Variants in ERG observed in about 807,000 individuals in gnomAD.
ERG encodes transcriptional regulator ERG.
Under a neutral mutation model 55.3 loss-of-function variants are expected in ERG, and 9 were observed. That is an observed-to-expected ratio of 0.16 (90% CI 0.10 to 0.28). The LOEUF is 0.28. ERG is among the 10% of genes least tolerant of loss of function. The pLI, the probability that ERG is intolerant of heterozygous loss-of-function variation, is 1.00. For synonymous variants in ERG, 223 were observed against 237.3 expected, an observed-to-expected ratio of 0.94 and a Z score of 0.55; for missense variants, 434 against 631.6, an observed-to-expected ratio of 0.69 and a Z score of 3.35.
chr21:38,641,199 G>A (rs547053503), intron 1 of ERG, among the ~76,000 whole-genome samples: 275 of 152,258 alleles, frequency 1.8e-3, no homozygotes, highest in Admixed American at 3.6e-3. Context: ...GAGCTGGGGG[G>A]CCTTTGGGAG....
At chr21:38,484,820 A>C (rs1354001964) in intron 1 of ERG, among the ~76,000 whole-genome samples, 1 of 152,152 alleles carries the variant, frequency 6.6e-6, no homozygotes, top group African/African-American at 2.4e-5. Flanking sequence ...AGCACAATGC[A>C]TTTCTCACAT....
rs1436591428 is a variant in ERG, at chr21:38,573,007, T to C, written c.-41+2655A>G. Among the ~76,000 whole-genome samples the C allele has an allele frequency of 3.3e-5, 5 of 152,354 alleles. No homozygotes were observed. In the South Asian group the frequency reaches 6.2e-4, roughly 19 times the overall value. On this transcript the variant is annotated intron_variant, in intron 2 of 8. Transcript: ENST00000398897. ...TAGCTTTGCCCCAACCACTTTGCCC[T>C]AGCCACTTTGACCCAACCTGGAGCT... is the stretch of plus-strand genomic sequence containing the variant.
Position 38,654,203 on chromosome 21 carries a change from C to T in ERG, c.-150+7455G>A, listed in dbSNP as rs1048588952. On this transcript the variant is annotated intron_variant, in intron 1 of 10. Coordinates refer to the ERG transcript ENST00000398910. Reference sequence around the variant, plus strand: ...CTATAAAATCCTTTTACTGGCTGGGCGCAGTGGCTCACGCCTGTAATCCCA... The same window carrying T: ...CTATAAAATCCTTTTACTGGCTGGGTGCAGTGGCTCACGCCTGTAATCCCA... Among the ~76,000 whole-genome samples, 5 of 152,342 alleles carry T rather than the reference C, an allele frequency of 3.3e-5. No individual in the cohort carries two copies. The South Asian group carries it at 6.2e-4, about 19-fold the overall frequency.
chr21:38,607,870 G>A (rs546373754), intron 1 of ERG, among the ~76,000 whole-genome samples: 2 of 151,366 alleles, frequency 1.3e-5, no homozygotes, highest in South Asian at 4.2e-4. Context: ...AGAGGGCCTT[G>A]GATCGTTTGG....
At chr21:38,443,653 T>C (rs2836401) in intron 2 of ERG, among the ~76,000 whole-genome samples, 59,740 of 152,082 alleles carry the variant, frequency 0.39, 12,401 homozygotes, top group East Asian at 0.64. Flanking sequence ...ATAGGATTTA[T>C]GGGTAAAAAA....
At chr21:38,476,172 G>A (rs914513145) in intron 1 of ERG, among the ~76,000 whole-genome samples, 27 of 152,202 alleles carry the variant, frequency 1.8e-4, no homozygotes, top group African/African-American at 5.5e-4. Context: ...AGAACTCCTC[G>A]CTGCTTAGGT....
At chr21:38,559,383 C>CTTTTTTTTTTTTTTTTTTTTTTTTTTTTT (rs574207119) in intron 2 of ERG, among the ~76,000 whole-genome samples, 1 of 92,076 alleles carries the variant, frequency 1.1e-5, no homozygotes. Context: ...TCCCATTTCC[C>CTTTTTTTTTTTTTTTTTTTTTTTTTTTTT]TTTTTTTTTT....
chr21:38,469,534 G>A (rs775169505), intron 1 of ERG, among the ~76,000 whole-genome samples: 12 of 152,012 alleles, frequency 7.9e-5, no homozygotes, highest in Non-Finnish European at 8.8e-5. Context: ...CTTGATTCCT[G>A]CGGAATCATT....
At chr21:38,492,401 T>TCTAAA (rs2059344260) in intron 1 of ERG, among the ~76,000 whole-genome samples, 1 of 152,264 alleles carries the variant, frequency 6.6e-6, no homozygotes, top group Non-Finnish European at 1.5e-5. Context: ...GTTATTTTAC[T>TCTAAA]AGGAGAAATG....
chr21:38,571,121 G>A (rs968768038), intron 2 of ERG, among the ~76,000 whole-genome samples: 1 of 152,184 alleles, frequency 6.6e-6, no homozygotes, highest in African/African-American at 2.4e-5. Context: ...TCATCTGGGT[G>A]CATCTTTGGT....
intron 1 of ERG, among the ~76,000 whole-genome samples, chr21:38,487,093 A>G (rs2059292452): frequency 6.6e-6 from 1 of 150,754 alleles, no homozygotes; most frequent in South Asian, 2.1e-4. Flanking sequence ...TAATTTCTAA[A>G]TCGTAACAAG....
intron 2 of ERG, among the ~76,000 whole-genome samples, chr21:38,532,136 G>A (rs1428314315): frequency 1.3e-5 from 2 of 152,134 alleles, no homozygotes; most frequent in African/African-American, 2.4e-5. Context: ...TCAGCCAGAC[G>A]ATCCAAGGTA....
intron 1 of ERG, among the ~76,000 whole-genome samples, chr21:38,638,860 C>A (rs2836580): frequency 6.6e-5 from 10 of 152,004 alleles, no homozygotes; most frequent in African/African-American, 1.5e-4. Flanking sequence ...CATCCTGTGC[C>A]TAGCAGGTAA....
chr21:38,371,810 C>T, the ERG span, among the ~76,000 whole-genome samples: 1 of 151,868 alleles, frequency 6.6e-6, no homozygotes, highest in Non-Finnish European at 1.5e-5. Context: ...GAATAATTGG[C>T]CTTTTTTTGT....
At chr21:38,491,449 G>A (rs1327198772) in intron 1 of ERG, among the ~76,000 whole-genome samples, 1 of 152,212 alleles carries the variant, frequency 6.6e-6, no homozygotes, top group Non-Finnish European at 1.5e-5. Context: ...AGTGGAATGT[G>A]TTAAATGCAA....
chr21:38,660,662 CTCAGCCCATGGTGTGGGCGCCGGGT>C (rs1482848381), intron 1 of ERG: 2 of 151,996 alleles, frequency 1.3e-5, no homozygotes, highest in African/African-American at 4.8e-5. Flanking sequence ...CGCCGACGGG[CTCAGCCCATGGTGTGGGCGCCGGGT>C]TCAGGGAGGC....
At chr21:38,420,093 G>C (rs773971582) in intron 3 of ERG, among the ~76,000 whole-genome samples, 6 of 151,276 alleles carry the variant, frequency 4.0e-5, no homozygotes, top group Non-Finnish European at 5.9e-5. Context: ...ATGTCTCTAA[G>C]TAGTAAGGTC....
chr21:38,476,936 T>G (rs1321604166), intron 1 of ERG, among the ~76,000 whole-genome samples: 3 of 151,978 alleles, frequency 2.0e-5, no homozygotes, highest in Non-Finnish European at 4.4e-5. Flanking sequence ...GTTGCTTTCA[T>G]GCAGAAACCC....
upstream of ERG, among the ~76,000 whole-genome samples, chr21:38,503,069 G>T (rs2059433263): frequency 6.6e-6 from 1 of 152,140 alleles, no homozygotes; most frequent in South Asian, 2.1e-4. Context: ...AAATAAAAAG[G>T]CAAAGTAAAA....
Sources: gnomAD v4.1 joint callset for allele counts (sites outside exome capture counted in the v4.1 genomes callset) on GRCh38, gnomAD v4.1.1 for gene constraint, MANE v1.5 for transcripts, NCBI Gene and HGNC (gene_info 2026-07-23, HGNC 2026-07-21) for gene names.